ARHGAP6: variants seen among roughly 807,000 people sequenced by gnomAD.
ARHGAP6 encodes rho GTPase-activating protein 6.
ARHGAP6 carries 16 observed loss-of-function variants against 55.7 expected under a neutral mutation model. That is an observed-to-expected ratio of 0.29 (90% CI 0.19 to 0.44). The LOEUF is 0.44. ARHGAP6 is among the 20% of genes least tolerant of loss of function. The pLI is 1.00. For missense variants in ARHGAP6, 698 were observed against 808.9 expected (o/e 0.86, Z 1.66); for synonymous variants, 382 against 360.9 (o/e 1.06, Z -0.66).
intron 11 of ARHGAP6, chrX:11,143,569 A>ATAG: frequency 1.1e-6 from 1 of 895,818 alleles, no homozygotes; most frequent in East Asian, 5.4e-5. Flanking sequence ...CTTCATACAT[A>ATAG]TAGTAGGTTC....
intron 1 of ARHGAP6, among the ~76,000 whole-genome samples, chrX:11,368,305 T>C (rs2049106422): frequency 8.9e-6 from 1 of 112,302 alleles, no homozygotes; most frequent in East Asian, 2.8e-4. Context: ...ATTGTACTTT[T>C]CATTTACAAG....
chrX:11,172,509 T>TA lies in ARHGAP6; in HGVS notation c.1630-2826dup, dbSNP rs201485455. Reference sequence around the variant, plus strand: ...GTCATATTAGGGTTTTCTCATTTTTTAAAAAAAACATTAACAAATGGAAGA... The same window carrying TA: ...GTCATATTAGGGTTTTCTCATTTTTTAAAAAAAAACATTAACAAATGGAAGA... On this transcript the variant is annotated intron_variant, in intron 8 of 12. Transcript: ENST00000337414. 9.9e-5 allele frequency among the ~76,000 whole-genome samples: 11 copies of TA among 110,560 alleles called. No homozygotes were observed. In the South Asian group the frequency reaches 1.5e-3, roughly 15 times the overall value.
chrX:11,337,292 G>A (rs193109256), intron 1 of ARHGAP6, among the ~76,000 whole-genome samples: 73 of 110,830 alleles, frequency 6.6e-4, no homozygotes, highest in Middle Eastern at 4.8e-3. Context: ...TATATAATAC[G>A]TCACCTAGCA....
At chrX:11,371,946 T>C (rs1472320482) in intron 1 of ARHGAP6, among the ~76,000 whole-genome samples, 3 of 112,444 alleles carry the variant, frequency 2.7e-5, no homozygotes, top group African/African-American at 9.7e-5. Context: ...ACAATGTATA[T>C]GTGTAATCAT....
At chrX:11,642,282 T>A (rs748698604) in intron 1 of ARHGAP6, among the ~76,000 whole-genome samples, 1 of 111,544 alleles carries the variant, frequency 9.0e-6, no homozygotes, top group Non-Finnish European at 1.9e-5. Flanking sequence ...TTTGAGGAAC[T>A]CTCCTAGAAT....
chrX:11,473,236 G>T (rs769715196), intron 1 of ARHGAP6, among the ~76,000 whole-genome samples: 1 of 111,214 alleles, frequency 9.0e-6, no homozygotes, highest in Admixed American at 9.6e-5. Context: ...ACATACAGGG[G>T]TCAAAAATGC....
At chrX:11,504,630 C>A (rs1400337746) in intron 1 of ARHGAP6, among the ~76,000 whole-genome samples, 2 of 112,471 alleles carry the variant, frequency 1.8e-5, no homozygotes, top group African/African-American at 6.5e-5. Flanking sequence ...TATATCTTTA[C>A]TCACATTAAG....
chrX:11,153,745 G>A (rs551965226), intron 10 of ARHGAP6, among the ~76,000 whole-genome samples: 6 of 110,383 alleles, frequency 5.4e-5, no homozygotes, highest in South Asian at 7.9e-4. Flanking sequence ...TCTTCCCCCA[G>A]TGTTTTCTGT....
intron 2 of ARHGAP6, among the ~76,000 whole-genome samples, chrX:11,214,988 G>GGGGCCTGAATCAGGGCAA (rs1237433403): frequency 8.8e-6 from 1 of 113,431 alleles, no homozygotes; most frequent in Non-Finnish European, 1.9e-5. Context: ...GTCGTTGTCT[G>GGGGCCTGAATCAGGGCAA]GGGCCTGAAT....
chrX:11,407,267 G>T (rs1035783519), intron 1 of ARHGAP6, among the ~76,000 whole-genome samples: 9 of 111,897 alleles, frequency 8.0e-5, no homozygotes, highest in Admixed American at 9.4e-5. Context: ...CTTGTGTCCA[G>T]CTCAAGAGAG....
chrX:11,174,660 T>TTTC lies in ARHGAP6; in HGVS notation c.1629+3437_1629+3439dup, dbSNP rs1555964866. On this transcript the variant is annotated intron_variant, in intron 8 of 12. Coordinates refer to ENST00000337414, the MANE Select transcript of ARHGAP6 (RefSeq NM_013427.3). ...CTTTCTTTCTTTCTTTCTTTCTTTC[T>TTTC]TTCTTTCTTTCTTTCTTTCTTTCTT... 1.9e-3 allele frequency among the ~76,000 whole-genome samples: 164 copies of TTTC among 88,116 alleles called. 5 individuals are homozygous for TTTC. Among genetic ancestry groups the TTTC allele is most frequent in the African/African-American group, 7.0e-3 (159 of 22,669 alleles). The allele number at this position is 88,116 out of a possible 115,157, so 76.5% of individuals were successfully genotyped here. A position where few individuals can be genotyped will look rare whatever the true frequency, so the allele number is the denominator to read the frequency against.
chrX:11,296,696 C>T (rs2048090495), intron 1 of ARHGAP6: 1 of 1,043,448 alleles, frequency 9.6e-7, no homozygotes, highest in Non-Finnish European at 1.3e-6. Context: ...TGCATACTGA[C>T]TTAATCTCTT....
rs1569251364 is a variant in ARHGAP6 at position 11,196,950 on chromosome X, TA to T, written c.794del (p.Leu265GlnfsTer114). The T allele has an allele frequency of 9.0e-7, 1 of 1,108,699 alleles. No individual in the cohort carries two copies. Among genetic ancestry groups the T allele is most frequent in the Non-Finnish European group, 1.2e-6 (1 of 802,683 alleles). The allele number at this position is 1,108,699 out of a possible 1,213,427, so 91.4% of individuals were successfully genotyped here. ...CTTTGTCTTTGTTTTTCTCCTTTCC[TA>T]GTGAATCCAGTTTCTTTCTTAAAGA... ...KKSLRKKLDSLGKEKNKDKEF... is the reference protein window; with the variant it reads ...KKSLRKKLDSXGKEKNKDKEF... On this transcript the variant is annotated frameshift_variant, in exon 3 of 13. Coordinates refer to ENST00000337414, the MANE Select transcript of ARHGAP6 (RefSeq NM_013427.3). LOFTEE classifies it high-confidence loss of function.
chrX:11,578,006 T>C (rs1440248562), intron 1 of ARHGAP6, among the ~76,000 whole-genome samples: 1 of 110,897 alleles, frequency 9.0e-6, no homozygotes, highest in African/African-American at 3.3e-5. Context: ...TGCATGAGTG[T>C]ACTACTTAAA....
intron 1 of ARHGAP6, among the ~76,000 whole-genome samples, chrX:11,661,914 C>T (rs995533400): frequency 1.8e-5 from 2 of 111,827 alleles, no homozygotes; most frequent in African/African-American, 3.3e-5. Flanking sequence ...GAGTGCTACT[C>T]GCATCTAGTG....
chrX:11,365,626 T>C (rs1199000038), intron 1 of ARHGAP6, among the ~76,000 whole-genome samples: 2 of 112,643 alleles, frequency 1.8e-5, no homozygotes, highest in African/African-American at 6.4e-5. Flanking sequence ...ATAAAATTCA[T>C]TAAATACGTC....
At chrX:11,355,800 G>C (rs1329240553) in intron 1 of ARHGAP6, among the ~76,000 whole-genome samples, 3 of 111,573 alleles carry the variant, frequency 2.7e-5, no homozygotes, top group Admixed American at 9.5e-5. Context: ...GGCTTCGTTA[G>C]AGGAGAAGGG....
chrX:11,528,217 TC>T (rs965347544), intron 1 of ARHGAP6, among the ~76,000 whole-genome samples: 1 of 112,179 alleles, frequency 8.9e-6, no homozygotes, highest in African/African-American at 3.2e-5. Flanking sequence ...TCCATCTGCT[TC>T]CAAAGTCTTA....
At chrX:11,188,612 C>T in intron 4 of ARHGAP6, 116 bp downstream of exon 4, 1 of 1,033,084 alleles carries the variant, frequency 9.7e-7, no homozygotes, top group Non-Finnish European at 1.3e-6. Flanking sequence ...GCATTGTTGA[C>T]AGATACCTGA....
Sources: allele counts gnomAD v4.1 joint callset (sites outside exome capture counted in the v4.1 genomes callset), GRCh38; gene constraint gnomAD v4.1.1; transcripts MANE v1.5; gene names NCBI Gene and HGNC (gene_info 2026-07-23, HGNC 2026-07-21).